Variants in CTNNBL1 observed in about 807,000 individuals in gnomAD.
CTNNBL1 encodes beta-catenin-like protein 1.
A neutral mutation model predicts 72.7 loss-of-function variants in CTNNBL1; 31 were observed. That is an observed-to-expected ratio of 0.43 (90% CI 0.32 to 0.58). The LOEUF (loss-of-function observed/expected upper bound fraction) is 0.58, where lower values mean the gene tolerates loss of function less well. Ranked by LOEUF, CTNNBL1 falls within the 20% of genes least tolerant of loss-of-function variation. The pLI, the probability that CTNNBL1 is intolerant of heterozygous loss-of-function variation, is 0.08. For missense variants in CTNNBL1, 534 were observed against 725.1 expected, an observed-to-expected ratio of 0.74 and a Z score of 3.03; for synonymous variants, 240 against 267.3, an observed-to-expected ratio of 0.90 and a Z score of 1.00.
intron 15 of CTNNBL1, among the ~76,000 whole-genome samples, chr20:37,871,214 G>GTGC (rs536109643): frequency 1.1e-3 from 169 of 152,238 alleles, no homozygotes; most frequent in African/African-American, 2.0e-3. Context: ...TTTCCATGCA[G>GTGC]TGCTGCTGCT....
intron 4 of CTNNBL1, among the ~76,000 whole-genome samples, chr20:37,754,703 G>A (rs2073348344): frequency 6.6e-6 from 1 of 152,064 alleles, no homozygotes; most frequent in South Asian, 2.1e-4. Flanking sequence ...TTTAAACTGA[G>A]TGTATATCCC....
intron 11 of CTNNBL1, among the ~76,000 whole-genome samples, chr20:37,831,785 T>G (rs552836592): frequency 6.6e-6 from 1 of 152,302 alleles, no homozygotes; most frequent in South Asian, 2.1e-4. Context: ...GTACTCAGAA[T>G]TTTGAGAAAA....
intron 11 of CTNNBL1, among the ~76,000 whole-genome samples, chr20:37,807,027 G>C (rs1195974691): frequency 6.6e-6 from 1 of 152,102 alleles, no homozygotes; most frequent in Non-Finnish European, 1.5e-5. Context: ...ATCCTGGTTT[G>C]CCTCTTTAAG....
intron 4 of CTNNBL1, among the ~76,000 whole-genome samples, chr20:37,754,259 T>A (rs1290052509): frequency 6.6e-6 from 1 of 151,932 alleles, no homozygotes; most frequent in Non-Finnish European, 1.5e-5. Context: ...TATAGACATC[T>A]TATTTATGTA....
chr20:37,789,957 C>A (rs1186315112), intron 10 of CTNNBL1, among the ~76,000 whole-genome samples: 1 of 152,174 alleles, frequency 6.6e-6, no homozygotes, highest in East Asian at 1.9e-4. Flanking sequence ...AGCATAAATA[C>A]AGTGAACCCA....
intron 10 of CTNNBL1, among the ~76,000 whole-genome samples, chr20:37,780,165 A>AT (rs1254476227): frequency 6.6e-6 from 1 of 151,694 alleles, no homozygotes; most frequent in Non-Finnish European, 1.5e-5. Context: ...AAAAAAAAAA[A>AT]CAAGAAAAAA....
chr20:37,743,708 A>G (rs1426189997), intron 3 of CTNNBL1, among the ~76,000 whole-genome samples: 1 of 152,232 alleles, frequency 6.6e-6, no homozygotes, highest in Non-Finnish European at 1.5e-5. Context: ...ATGATAGATG[A>G]CATTTCTTTA....
intron 10 of CTNNBL1, among the ~76,000 whole-genome samples, chr20:37,781,825 T>C (rs2073628574): frequency 6.6e-6 from 1 of 152,230 alleles, no homozygotes; most frequent in African/African-American, 2.4e-5. Context: ...TATAGATCTT[T>C]ACTTTGACTC....
At chr20:37,739,425 A>G (rs2073196187) in intron 3 of CTNNBL1, among the ~76,000 whole-genome samples, 1 of 151,770 alleles carries the variant, frequency 6.6e-6, no homozygotes, top group Non-Finnish European at 1.5e-5. Context: ...TTATTTAATT[A>G]TTTTCTATTA....
intron 10 of CTNNBL1, among the ~76,000 whole-genome samples, chr20:37,795,326 AT>A (rs1260736513): frequency 6.6e-6 from 1 of 152,008 alleles, no homozygotes; most frequent in Non-Finnish European, 1.5e-5. Flanking sequence ...TTTAAAAAAA[AT>A]ATTTTTAGTA....
At position 37,704,562 on chromosome 20, in the gene CTNNBL1, T is replaced by A. The variant is rs560819905; in HGVS notation, c.30+10410T>A. 1.1e-4 allele frequency among the ~76,000 whole-genome samples: 16 copies of A among 151,418 alleles called. No homozygotes were observed. The East Asian group carries it at 1.4e-3, about 13-fold the overall frequency. The stretch of plus-strand genomic sequence containing the variant: ...AGACATCGTCTCAAAAAAAAAAAAA[T>A]TTGCTGGGTTTGGAGGTGCGCGCTT... On this transcript the variant is annotated intron_variant, in intron 1 of 15. Coordinates refer to ENST00000361383, the MANE Select transcript of CTNNBL1 (RefSeq NM_030877.5).
chr20:37,742,447 G>A (rs1257762621), intron 3 of CTNNBL1, among the ~76,000 whole-genome samples: 1 of 152,142 alleles, frequency 6.6e-6, no homozygotes, highest in African/African-American at 2.4e-5. Flanking sequence ...TTACAGTTAT[G>A]GTTCAATAAA....
chr20:37,851,355 A>C (rs1266711057), intron 13 of CTNNBL1, among the ~76,000 whole-genome samples: 1 of 151,540 alleles, frequency 6.6e-6, no homozygotes, highest in East Asian at 1.9e-4. Flanking sequence ...TTGCATGTGG[A>C]ATTTGCTGAT....
chr20:37,798,042 C>A (rs1011015695), intron 10 of CTNNBL1, among the ~76,000 whole-genome samples: 1 of 152,278 alleles, frequency 6.6e-6, no homozygotes, highest in African/African-American at 2.4e-5. Context: ...TTTGTATATA[C>A]CTCCACCGTA....
At chr20:37,808,849 T>A (rs114596861) in intron 11 of CTNNBL1, among the ~76,000 whole-genome samples, 2,458 of 152,090 alleles carry the variant, frequency 0.016, 68 homozygotes, top group African/African-American at 0.056. Flanking sequence ...ATCCATTCCT[T>A]CACTGCTGTC....
chr20:37,774,694 C>T (rs1020201725), intron 7 of CTNNBL1, among the ~76,000 whole-genome samples: 3 of 152,112 alleles, frequency 2.0e-5, no homozygotes, highest in African/African-American at 4.8e-5. Flanking sequence ...ATGTATACAC[C>T]AGTTCCCTTA....
intron 11 of CTNNBL1, among the ~76,000 whole-genome samples, chr20:37,819,057 TA>T (rs1426619501): frequency 3.3e-5 from 5 of 152,250 alleles, no homozygotes; most frequent in Non-Finnish European, 7.3e-5. Flanking sequence ...ACTGCAGGTA[TA>T]AATTGTGTAG....
chr20:37,780,998 G>C (rs1220002851), intron 10 of CTNNBL1, among the ~76,000 whole-genome samples: 4 of 152,114 alleles, frequency 2.6e-5, no homozygotes, highest in Non-Finnish European at 1.5e-5. Flanking sequence ...CATTTGTCCA[G>C]TGTGTACCAG....
intron 11 of CTNNBL1, among the ~76,000 whole-genome samples, chr20:37,829,106 C>CT (rs1297778586): frequency 3.3e-5 from 5 of 152,068 alleles, no homozygotes; most frequent in Non-Finnish European, 5.9e-5. Context: ...GTCTGTCCAT[C>CT]TGGGGGGCAG....
Sources: allele counts gnomAD v4.1 joint callset (sites outside exome capture counted in the v4.1 genomes callset), GRCh38; gene constraint gnomAD v4.1.1; transcripts MANE v1.5; gene names NCBI Gene and HGNC (gene_info 2026-07-23, HGNC 2026-07-21).